Variants in GPC5 observed in about 807,000 individuals in gnomAD.
GPC5 encodes glypican-5.
A neutral mutation model predicts 53.9 loss-of-function variants in GPC5; 47 were observed. The ratio of observed to expected loss-of-function variants is 0.87; its 90% CI spans 0.69 to 1.11. GPC5 has a LOEUF of 1.11. Among genes scored for constraint, GPC5 ranks in the 50% most tolerant of loss-of-function variants. The pLI, the probability that GPC5 is intolerant of heterozygous loss-of-function variation, is 0.00. For synonymous variants in GPC5, 286 were observed against 263.3 expected, an observed-to-expected ratio of 1.09 and a Z score of -0.84; for missense variants, 748 against 713.1, an observed-to-expected ratio of 1.05 and a Z score of -0.56.
intron 7 of GPC5, among the ~76,000 whole-genome samples, chr13:92,375,296 C>T (rs2043685103): frequency 1.3e-5 from 2 of 152,118 alleles, no homozygotes; most frequent in South Asian, 4.1e-4. Flanking sequence ...TAATGTCTTA[C>T]AGAGTCTCAT....
chr13:92,513,483 T>A lies in GPC5; in HGVS notation c.1562-352799T>A, dbSNP rs16952892. 4.0e-3 allele frequency among the ~76,000 whole-genome samples: 596 copies of A among 148,678 alleles called. 7 individuals carry two copies. Among genetic ancestry groups the A allele is most frequent in the African/African-American group, 0.014 (577 of 40,598 alleles). The stretch of plus-strand genomic sequence containing the variant: ...AAAGCTTTTTTCTGTTTTTTTTTTT[T>A]AATTAAGGCATATAAGACATCTTTC... On this transcript the variant is annotated intron_variant, in intron 7 of 7. Coordinates refer to ENST00000377067, the MANE Select transcript of GPC5 (RefSeq NM_004466.6).
intron 5 of GPC5, among the ~76,000 whole-genome samples, chr13:91,893,557 A>G (rs903995915): frequency 6.6e-6 from 1 of 152,122 alleles, no homozygotes; most frequent in African/African-American, 2.4e-5. Context: ...ACACAACTAA[A>G]GATCTTATAG....
At chr13:92,525,765 G>C (rs1430125157) in intron 7 of GPC5, among the ~76,000 whole-genome samples, 1 of 151,970 alleles carries the variant, frequency 6.6e-6, no homozygotes, top group Non-Finnish European at 1.5e-5. Flanking sequence ...TCTGGCACTA[G>C]CTGATGGTGA....
chr13:92,581,719 A>G (rs1883377293), intron 7 of GPC5, among the ~76,000 whole-genome samples: 1 of 152,144 alleles, frequency 6.6e-6, no homozygotes, highest in Non-Finnish European at 1.5e-5. Flanking sequence ...CATCCTCACC[A>G]ATACTTGTTG....
intron 5 of GPC5, among the ~76,000 whole-genome samples, chr13:91,867,909 T>C (rs914957669): frequency 1.3e-5 from 2 of 152,216 alleles, no homozygotes; most frequent in African/African-American, 4.8e-5. Flanking sequence ...ATAATATCTG[T>C]GGAAAATTCA....
intron 3 of GPC5, among the ~76,000 whole-genome samples, chr13:91,713,201 G>GTAAA (rs1039031843): frequency 3.3e-5 from 5 of 151,002 alleles, no homozygotes; most frequent in African/African-American, 1.2e-4. Flanking sequence ...AAATAAATAA[G>GTAAA]TAAATAAATA....
chr13:92,677,234 A>T (rs1037696011), intron 7 of GPC5, among the ~76,000 whole-genome samples: 3 of 152,118 alleles, frequency 2.0e-5, no homozygotes, highest in Non-Finnish European at 4.4e-5. Flanking sequence ...TCTTTTCAAG[A>T]CCCAACATAT....
chr13:92,585,100 C>T (rs1448192778), intron 7 of GPC5, among the ~76,000 whole-genome samples: 1 of 152,114 alleles, frequency 6.6e-6, no homozygotes, highest in African/African-American at 2.4e-5. Context: ...CAGAGTCCCT[C>T]CTGGGGCACC....
chr13:91,477,554 G>A (rs2139201196), intron 2 of GPC5, among the ~76,000 whole-genome samples: 1 of 152,286 alleles, frequency 6.6e-6, no homozygotes, highest in Admixed American at 6.5e-5. Context: ...ATTCAAAATA[G>A]GTTTAGTTGG....
chr13:91,851,146 T>C (rs2038908484), intron 5 of GPC5, among the ~76,000 whole-genome samples: 1 of 152,134 alleles, frequency 6.6e-6, no homozygotes, highest in Admixed American at 6.5e-5. Flanking sequence ...AACATGGAGA[T>C]AAGTATTGTT....
intron 5 of GPC5, among the ~76,000 whole-genome samples, chr13:91,861,509 A>G (rs1489928409): frequency 6.6e-6 from 1 of 151,860 alleles, no homozygotes; most frequent in Non-Finnish European, 1.5e-5. Flanking sequence ...TTTACATTGT[A>G]TTTTGCTGAT....
At chr13:92,553,390 C>T (rs894275884) in intron 7 of GPC5, among the ~76,000 whole-genome samples, 4 of 151,948 alleles carry the variant, frequency 2.6e-5, no homozygotes, top group Admixed American at 2.0e-4. Context: ...CAACTAAACT[C>T]TTATTTTGGT....
At chr13:92,168,211 G>C (rs1390218910) in intron 7 of GPC5, among the ~76,000 whole-genome samples, 2 of 152,100 alleles carry the variant, frequency 1.3e-5, no homozygotes, top group African/African-American at 4.8e-5. Flanking sequence ...AGACATAAAT[G>C]TAAAACCCAA....
At chr13:91,478,750 A>G (rs1166587836) in intron 2 of GPC5, among the ~76,000 whole-genome samples, 1 of 140,642 alleles carries the variant, frequency 7.1e-6, no homozygotes, top group Non-Finnish European at 1.5e-5. Flanking sequence ...ATGTTTGCTC[A>G]CTAGCAATGT....
rs370004313 is a variant in GPC5 at position 91,644,172 on chromosome 13, G to C, written c.326-49015G>C. The stretch of plus-strand genomic sequence containing the variant: ...CACATTATATTTCTATAGTATGTGT[G>C]TCTTTTGAACAATACCTAACACTAA... On this transcript the variant is annotated intron_variant, in intron 2 of 7. Coordinates refer to ENST00000377067, the MANE Select transcript of GPC5 (RefSeq NM_004466.6). Among the ~76,000 whole-genome samples, 70 of 152,200 alleles carry C rather than the reference G, an allele frequency of 4.6e-4. 1 individual carries two copies. In the South Asian group the frequency reaches 0.014, roughly 31 times the overall value.
intron 4 of GPC5, among the ~76,000 whole-genome samples, chr13:91,742,625 G>T (rs912543708): frequency 6.6e-6 from 1 of 152,110 alleles, no homozygotes; most frequent in Non-Finnish European, 1.5e-5. Context: ...TTCAACAGAT[G>T]CCCACTTTTT....
intron 2 of GPC5, among the ~76,000 whole-genome samples, chr13:91,543,121 G>C (rs2030057858): frequency 6.6e-6 from 1 of 151,824 alleles, no homozygotes; most frequent in Non-Finnish European, 1.5e-5. Context: ...CTCCCAAAGT[G>C]CTGGGATTAC....
chr13:91,701,690 C>A (rs1566621765), intron 3 of GPC5, among the ~76,000 whole-genome samples: 1 of 151,984 alleles, frequency 6.6e-6, no homozygotes, highest in Non-Finnish European at 1.5e-5. Flanking sequence ...TTTATCTATT[C>A]ATCTGTTGAT....
chr13:92,481,375 G>A (rs373929819), intron 7 of GPC5, among the ~76,000 whole-genome samples: 44 of 152,100 alleles, frequency 2.9e-4, no homozygotes, highest in African/African-American at 7.2e-4. Context: ...TGCTGGGATT[G>A]CAGGCATGAC....
Sources: allele counts gnomAD v4.1 joint callset (sites outside exome capture counted in the v4.1 genomes callset), GRCh38; gene constraint gnomAD v4.1.1; transcripts MANE v1.5; gene names NCBI Gene and HGNC (gene_info 2026-07-23, HGNC 2026-07-21).